QKI: variants seen among roughly 807,000 people sequenced by gnomAD.
QKI encodes the protein KH domain-containing RNA-binding protein QKI.
In QKI, 10 loss-of-function variants were observed where a neutral mutation model predicts 39.0. The ratio of observed to expected loss-of-function variants is 0.26; its 90% CI spans 0.16 to 0.43. QKI has a LOEUF of 0.43. QKI is among the 20% of genes least tolerant of loss of function. QKI has a pLI of 1.00. For synonymous variants in QKI, 204 were observed against 155.4 expected, an observed-to-expected ratio of 1.31 and a Z score of -2.33; for missense variants, 218 against 428.0, an observed-to-expected ratio of 0.51 and a Z score of 4.33.
intron 2 of QKI, among the ~76,000 whole-genome samples, chr6:163,464,931 T>C (rs566269409): frequency 6.6e-6 from 1 of 152,224 alleles, no homozygotes; most frequent in South Asian, 2.1e-4. Context: ...GCAAAAATCC[T>C]CAACAAAATA....
intron 1 of QKI, among the ~76,000 whole-genome samples, chr6:163,432,870 A>G (rs1055977163): frequency 6.6e-5 from 10 of 152,192 alleles, no homozygotes; most frequent in African/African-American, 2.4e-4. Flanking sequence ...TTAGTTAAGA[A>G]TAGACTAAAT....
chr6:163,490,420 A>G (rs1777981876), intron 3 of QKI, among the ~76,000 whole-genome samples: 1 of 152,216 alleles, frequency 6.6e-6, no homozygotes, highest in South Asian at 2.1e-4. Context: ...TGATATATAC[A>G]TTGTGCAGGA....
At chr6:163,435,260 G>T (rs1789170595) in intron 1 of QKI, among the ~76,000 whole-genome samples, 1 of 152,366 alleles carries the variant, frequency 6.6e-6, no homozygotes, top group East Asian at 1.9e-4. Context: ...ATGTTGGAGT[G>T]AATGTGGTGG....
chr6:163,533,844 A>G (rs1382924714), intron 3 of QKI, among the ~76,000 whole-genome samples: 6 of 152,084 alleles, frequency 3.9e-5, no homozygotes, highest in Non-Finnish European at 2.9e-5. Context: ...AGATGTGTTG[A>G]TTAAAAATAA....
intron 1 of QKI, among the ~76,000 whole-genome samples, chr6:163,419,627 C>T (rs1017770459): frequency 3.2e-4 from 49 of 152,108 alleles, no homozygotes; most frequent in African/African-American, 1.1e-3. Context: ...TTGGCAGTCA[C>T]GGAAAAGATC....
chr6:163,534,612 G>C (rs988078024), intron 3 of QKI, among the ~76,000 whole-genome samples: 5 of 152,110 alleles, frequency 3.3e-5, no homozygotes, highest in Non-Finnish European at 5.9e-5. Flanking sequence ...ATAATGACAT[G>C]TTTCTCAAAG....
intron 3 of QKI, among the ~76,000 whole-genome samples, chr6:163,484,698 A>G (rs1793334646): frequency 6.6e-6 from 1 of 152,174 alleles, no homozygotes; most frequent in Non-Finnish European, 1.5e-5. Context: ...CCAGACACAC[A>G]CAGTACTTGT....
At chr6:163,496,404 G>T (rs1397902118) in intron 3 of QKI, among the ~76,000 whole-genome samples, 1 of 135,954 alleles carries the variant, frequency 7.4e-6, no homozygotes, top group Non-Finnish European at 1.6e-5. Context: ...TAAGGAGGAG[G>T]TAAAGTACCT....
intron 1 of QKI, among the ~76,000 whole-genome samples, chr6:163,439,935 C>T (rs1789639149): frequency 6.6e-6 from 1 of 152,148 alleles, no homozygotes; most frequent in African/African-American, 2.4e-5. Context: ...CAGACGTGAG[C>T]TACTGTGCCT....
chr6:163,417,391 C>CA (rs1562409954), intron 1 of QKI, among the ~76,000 whole-genome samples: 1 of 151,500 alleles, frequency 6.6e-6, no homozygotes, highest in South Asian at 2.1e-4. Context: ...TAGGAGATTC[C>CA]AAAAAAAAGT....
chr6:163,449,138 GT>G (rs1790365657), intron 1 of QKI, among the ~76,000 whole-genome samples: 1 of 152,150 alleles, frequency 6.6e-6, no homozygotes, highest in Admixed American at 6.5e-5. Context: ...CTACTTTAAT[GT>G]CTAGCAAGAG....
chr6:163,417,763 A>G (rs866078331), intron 1 of QKI, among the ~76,000 whole-genome samples: 4 of 152,148 alleles, frequency 2.6e-5, no homozygotes, highest in Non-Finnish European at 4.4e-5. Flanking sequence ...AGCCTTGTCA[A>G]TTCCCCAGTG....
intron 4 of QKI, among the ~76,000 whole-genome samples, chr6:163,560,464 G>A (rs1032154623): frequency 6.6e-6 from 1 of 152,170 alleles, no homozygotes; most frequent in African/African-American, 2.4e-5. Flanking sequence ...CCTGGAGAAG[G>A]AAGGTAGCAT....
chr6:163,515,670 A>G lies in QKI; in HGVS notation c.403-19312A>G, dbSNP rs554456511. ...GATAAAAATATATTGGTGTGTTACA[A>G]CAAAAGGGAAACTTACATATAATGA... is the stretch of plus-strand genomic sequence containing the variant. On this transcript the variant is annotated intron_variant, in intron 3 of 7. Coordinates refer to ENST00000361752, the MANE Select transcript of QKI (RefSeq NM_006775.3). Among the ~76,000 whole-genome samples, 207 of 152,316 alleles carry G rather than the reference A, an allele frequency of 1.4e-3. 2 individuals carry two copies. The highest frequency in any genetic ancestry group is 2.3e-3 in the Non-Finnish European group (159 of 68,002).
At chr6:163,430,417 A>C (rs1788732755) in intron 1 of QKI, among the ~76,000 whole-genome samples, 1 of 151,980 alleles carries the variant, frequency 6.6e-6, no homozygotes, top group South Asian at 2.1e-4. Flanking sequence ...ACTATTGTTT[A>C]TCTGTATGCT....
chr6:163,492,745 CAGT>C (rs1778137261), intron 3 of QKI, among the ~76,000 whole-genome samples: 1 of 152,118 alleles, frequency 6.6e-6, no homozygotes, highest in South Asian at 2.1e-4. Flanking sequence ...TGTGTTATCT[CAGT>C]AGTGAGATTA....
chr6:163,468,430 T>C (rs1399642110), intron 2 of QKI, among the ~76,000 whole-genome samples: 2 of 152,182 alleles, frequency 1.3e-5, no homozygotes, highest in Non-Finnish European at 2.9e-5. Context: ...TTATTATCTA[T>C]TGTGATAATG....
intron 7 of QKI, chr6:163,570,426 A>AT (rs1272117820): frequency 1.0e-6 from 1 of 956,068 alleles, no homozygotes; most frequent in East Asian, 1.3e-4. Context: ...TTTTATTTCT[A>AT]TTTTTTCTTG....
At chr6:163,479,013 CGGTGGCTCA>C in intron 3 of QKI, 117 bp downstream of exon 3, 1 of 796,998 alleles carries the variant, frequency 1.3e-6, no homozygotes, top group Non-Finnish European at 1.9e-6. Context: ...AGGCCGGGCG[CGGTGGCTCA>C]CGCCTGTAAT....
Sources: allele counts gnomAD v4.1 joint callset (sites outside exome capture counted in the v4.1 genomes callset), GRCh38; gene constraint gnomAD v4.1.1; transcripts MANE v1.5; gene names NCBI Gene and HGNC (gene_info 2026-07-23, HGNC 2026-07-21).